The following SLC9A7 variants were observed in gnomAD, a reference collection of about 807,000 sequenced individuals.
SLC9A7 encodes the protein solute carrier family 9 member A7.
Under a neutral mutation model 52.6 loss-of-function variants are expected in SLC9A7, and 19 were observed. The ratio of observed to expected loss-of-function variants is 0.36; its 90% CI spans 0.25 to 0.53. SLC9A7 has a LOEUF of 0.53. Among genes scored for constraint, SLC9A7 ranks in the 20% least tolerant of loss-of-function variants. SLC9A7 has a pLI of 0.91. For synonymous variants in SLC9A7, 226 were observed against 252.1 expected, an observed-to-expected ratio of 0.90 and a Z score of 0.98; for missense variants, 455 against 597.9, an observed-to-expected ratio of 0.76 and a Z score of 2.49.
rs1602190694 is a variant in SLC9A7 at position 46,658,434 on chromosome X, G to A, written c.1041+3582C>T. Among the ~76,000 whole-genome samples, 5 of 110,133 alleles carry A rather than the reference G, an allele frequency of 4.5e-5. No homozygotes were observed. The South Asian group carries it at 1.5e-3, about 34-fold the overall frequency. On this transcript the variant is annotated intron_variant, in intron 7 of 16. Transcript: ENST00000616978. ...CTTCAAAAAATTAATGAATCCAGGAGCTAGTTTTTTGAAAGGATCAACAAA... is the reference window on the plus strand; with the variant it reads ...CTTCAAAAAATTAATGAATCCAGGAACTAGTTTTTTGAAAGGATCAACAAA...
chrX:46,706,224 C>A (rs1168799154), intron 1 of SLC9A7, among the ~76,000 whole-genome samples: 1 of 99,268 alleles, frequency 1.0e-5, no homozygotes, highest in African/African-American at 3.7e-5. Context: ...AAAGTAGTTG[C>A]GGCTTTTGCC....
At chrX:46,700,560 A>C (rs998084900) in intron 1 of SLC9A7, among the ~76,000 whole-genome samples, 49 of 112,270 alleles carry the variant, frequency 4.4e-4, no homozygotes, top group African/African-American at 1.6e-3. Context: ...AACTATCTTC[A>C]CCAGGTTAAC....
intron 15 of SLC9A7, among the ~76,000 whole-genome samples, chrX:46,616,656 A>C (rs1160203728): frequency 9.0e-6 from 1 of 111,395 alleles, no homozygotes; most frequent in Non-Finnish European, 1.9e-5. Context: ...CATGGTGCTA[A>C]ACTTTCTGAA....
chrX:46,631,610 G>C lies in SLC9A7; in HGVS notation c.1716C>G (p.Asn572Lys). The change falls in exon 14 of 17, where the codon AAC becomes AAG. Residue 572 changes from asparagine to lysine, a missense_variant. Coordinates refer to ENST00000616978, the MANE Select transcript of SLC9A7 (RefSeq NM_001257291.2). Reference sequence around the variant, plus strand: ...CCCCTTGTAAGACTTGAAAGCTGTCGTTGTTGGGTGGTGGGTCTTGATCGG... The same window carrying C: ...CCCCTTGTAAGACTTGAAAGCTGTCCTTGTTGGGTGGTGGGTCTTGATCGG... ...VDPDQDPPPN[N>K]DSFQVLQGDG... The C allele has an allele frequency of 3.3e-6, 4 of 1,209,869 alleles. No individual in the cohort carries two copies. Among genetic ancestry groups the C allele is most frequent in the Non-Finnish European group, 4.5e-6 (4 of 893,961 alleles).
rs1876562236 is a variant in SLC9A7, at chrX:46,600,633, G to A, written c.*6319C>T. 1 of 112,232 alleles carries A rather than the reference G, an allele frequency of 8.9e-6. No homozygotes were observed. Among genetic ancestry groups the A allele is most frequent in the Admixed American group, 9.5e-5 (1 of 10,520 alleles). 9.2% of individuals were successfully genotyped at this position (112,232 alleles called of 1,213,427 possible). A position where few individuals can be genotyped will look rare whatever the true frequency, so the allele number is the denominator to read the frequency against. ...TTTACAATTTTTGCTAGCACTGGGTGACAAGATGTGTTTAATTTTTTAAAA... is the reference window on the plus strand; with the variant it reads ...TTTACAATTTTTGCTAGCACTGGGTAACAAGATGTGTTTAATTTTTTAAAA... On this transcript the variant is annotated 3_prime_UTR_variant, in exon 17 of 17. Transcript: ENST00000616978.
At chrX:46,635,322 C>T (rs775708343) in intron 13 of SLC9A7, among the ~76,000 whole-genome samples, 1 of 111,333 alleles carries the variant, frequency 9.0e-6, no homozygotes, top group South Asian at 3.7e-4. Context: ...AAAGGAGACA[C>T]TTGACAACTC....
intron 1 of SLC9A7, among the ~76,000 whole-genome samples, chrX:46,733,078 G>A (rs982025616): frequency 8.9e-6 from 1 of 112,184 alleles, no homozygotes; most frequent in African/African-American, 3.2e-5. Context: ...AAACAACTAA[G>A]AAAAGTGGTT....
rs1221826610 is a variant in SLC9A7 at position 46,600,537 on chromosome X, C to T, written c.*6415G>A. ...CAGAAAACCGGCTGCCTGTGTGTTCCATATGGGCCACGACTATAGTATACC... is the reference window on the plus strand; with the variant it reads ...CAGAAAACCGGCTGCCTGTGTGTTCTATATGGGCCACGACTATAGTATACC... On this transcript the variant is annotated 3_prime_UTR_variant, in exon 17 of 17. Coordinates refer to ENST00000616978, the MANE Select transcript of SLC9A7 (RefSeq NM_001257291.2). The T allele has an allele frequency of 8.9e-6, 1 of 111,958 alleles. No individual in the cohort carries two copies. The highest frequency in any genetic ancestry group is 3.2e-5 in the African/African-American group (1 of 30,826). The allele number at this position is 111,958 out of a possible 1,213,427, so 9.2% of individuals were successfully genotyped here. A position where few individuals can be genotyped will look rare whatever the true frequency, so the allele number is the denominator to read the frequency against.
At chrX:46,684,594 C>T (rs951048560) in intron 1 of SLC9A7, among the ~76,000 whole-genome samples, 1 of 112,312 alleles carries the variant, frequency 8.9e-6, no homozygotes, top group South Asian at 3.7e-4. Context: ...AGCTCCATAA[C>T]TCAGATAGTG....
intron 1 of SLC9A7, among the ~76,000 whole-genome samples, chrX:46,721,711 T>C (rs1453634241): frequency 1.8e-5 from 2 of 111,545 alleles, no homozygotes; most frequent in African/African-American, 6.5e-5. Flanking sequence ...CCAAAGGCTA[T>C]GGGGACTCTC....
At chrX:46,617,708 G>A (rs1210825473) in intron 15 of SLC9A7, among the ~76,000 whole-genome samples, 1 of 111,995 alleles carries the variant, frequency 8.9e-6, no homozygotes, top group East Asian at 2.8e-4. Context: ...ACTAAAAAGT[G>A]GAAATCCCAA....
intron 15 of SLC9A7, among the ~76,000 whole-genome samples, chrX:46,615,720 G>A (rs1000958621): frequency 5.5e-5 from 6 of 108,381 alleles, no homozygotes; most frequent in Non-Finnish European, 1.1e-4. Context: ...TCAAATTGTT[G>A]GATGGGACAA....
At chrX:46,690,107 G>A (rs1465771699) in intron 1 of SLC9A7, among the ~76,000 whole-genome samples, 2 of 112,022 alleles carry the variant, frequency 1.8e-5, no homozygotes, top group African/African-American at 6.5e-5. Context: ...ACATGCACAC[G>A]TATGTTTACT....
chrX:46,729,195 G>C (rs1010137015), intron 1 of SLC9A7, among the ~76,000 whole-genome samples: 5 of 112,280 alleles, frequency 4.5e-5, no homozygotes, highest in Non-Finnish European at 9.4e-5. Flanking sequence ...GTGAATATTT[G>C]AGTGAATTAA....
At chrX:46,663,598 A>C (rs1402500989) in intron 5 of SLC9A7, among the ~76,000 whole-genome samples, 2 of 92,852 alleles carry the variant, frequency 2.2e-5, no homozygotes, top group African/African-American at 7.9e-5. Flanking sequence ...AGATCGTGCC[A>C]TTGCACTCCA....
At chrX:46,704,927 G>A (rs765215990) in intron 1 of SLC9A7, among the ~76,000 whole-genome samples, 2 of 111,934 alleles carry the variant, frequency 1.8e-5, no homozygotes, top group Middle Eastern at 4.2e-3. Flanking sequence ...CCACAAAACA[G>A]AGGCATAAAA....
At chrX:46,672,650 A>G (rs759002110) in intron 3 of SLC9A7, 23 bp from the exon 4 acceptor site, 1 of 1,091,858 alleles carries the variant, frequency 9.2e-7, no homozygotes, top group South Asian at 1.9e-5. Context: ...AACAAACAAA[A>G]CCCAGGAATC....
At chrX:46,687,737 C>T (rs768528878) in intron 1 of SLC9A7, among the ~76,000 whole-genome samples, 4 of 112,183 alleles carry the variant, frequency 3.6e-5, no homozygotes, top group African/African-American at 1.3e-4. Flanking sequence ...ATAAGATTCA[C>T]CCATTTTAGA....
chrX:46,740,108 A>G (rs139841290), intron 1 of SLC9A7, among the ~76,000 whole-genome samples: 1 of 112,301 alleles, frequency 8.9e-6, no homozygotes, highest in Non-Finnish European at 1.9e-5. Context: ...CTGTATAAAC[A>G]TACAGACACA....
Sources: gnomAD v4.1 joint callset for allele counts (sites outside exome capture counted in the v4.1 genomes callset) on GRCh38, gnomAD v4.1.1 for gene constraint, MANE v1.5 for transcripts, NCBI Gene and HGNC (gene_info 2026-07-23, HGNC 2026-07-21) for gene names.